Variants in ATP8A2 observed in about 807,000 individuals in gnomAD.
The protein encoded by ATP8A2 is phospholipid-transporting ATPase IB.
In ATP8A2, 100 loss-of-function variants were observed where a neutral mutation model predicts 165.6. The observed-to-expected ratio is 0.60, with a 90% CI of 0.51 to 0.71. ATP8A2 has a LOEUF of 0.71. Among genes scored for constraint, ATP8A2 ranks in the 30% least tolerant of loss-of-function variants. ATP8A2 has a pLI of 0.00. For synonymous variants in ATP8A2, 543 were observed against 548.8 expected, an observed-to-expected ratio of 0.99 and a Z score of 0.15; for missense variants, 1,227 against 1,479.5, an observed-to-expected ratio of 0.83 and a Z score of 2.80.
rs1180057851 is a variant in ATP8A2 at position 26,021,313 on chromosome 13, A to G, written c.*1328A>G. ...TGAGACCCAGACAATTGTCATGATC[A>G]GCCCAGTGTGTATGAGAGCTTAAAC... is the stretch of plus-strand genomic sequence containing the variant. On this transcript the variant is annotated 3_prime_UTR_variant, in exon 37 of 37. Transcript: ENST00000381655. The G allele has an allele frequency of 1.3e-5, 2 of 152,272 alleles. No individual in the cohort carries two copies. The highest frequency in any genetic ancestry group is 4.8e-5 in the African/African-American group (2 of 41,464). 9.4% of individuals were successfully genotyped at this position (152,272 alleles called of 1,614,324 possible). A position where few individuals can be genotyped will look rare whatever the true frequency, so the allele number is the denominator to read the frequency against.
At chr13:25,908,430 A>T (rs1029256999) in intron 33 of ATP8A2, among the ~76,000 whole-genome samples, 4 of 152,212 alleles carry the variant, frequency 2.6e-5, no homozygotes, top group Non-Finnish European at 5.9e-5. Context: ...CATCTTTGCA[A>T]CGTCTTGTCT....
At chr13:25,636,576 A>C (rs2041372827) in intron 24 of ATP8A2, among the ~76,000 whole-genome samples, 1 of 152,196 alleles carries the variant, frequency 6.6e-6, no homozygotes, top group South Asian at 2.1e-4. Flanking sequence ...ATCAATGGAC[A>C]CAAAACAGAT....
At chr13:25,592,566 T>G (rs1171643820) in intron 24 of ATP8A2, among the ~76,000 whole-genome samples, 1 of 152,192 alleles carries the variant, frequency 6.6e-6, no homozygotes, top group Non-Finnish European at 1.5e-5. Flanking sequence ...CCTAGAACCC[T>G]TGGATGTGTG....
intron 24 of ATP8A2, among the ~76,000 whole-genome samples, chr13:25,680,338 C>G (rs2042459139): frequency 6.6e-6 from 1 of 152,126 alleles, no homozygotes; most frequent in Non-Finnish European, 1.5e-5. Flanking sequence ...AAGTTAGCTG[C>G]AGCTGTGTAC....
At chr13:25,891,256 G>A (rs148125820) in intron 33 of ATP8A2, among the ~76,000 whole-genome samples, 10 of 152,310 alleles carry the variant, frequency 6.6e-5, no homozygotes, top group East Asian at 1.9e-4. Context: ...GAAAACGATC[G>A]TGTTGAAAGT....
At chr13:25,606,935 G>T (rs1235615251) in intron 24 of ATP8A2, among the ~76,000 whole-genome samples, 1 of 151,870 alleles carries the variant, frequency 6.6e-6, no homozygotes, top group African/African-American at 2.4e-5. Flanking sequence ...CCGACCCCCA[G>T]GGCACGAAAC....
At chr13:25,806,528 C>T (rs1040717201) in intron 27 of ATP8A2, among the ~76,000 whole-genome samples, 4 of 151,978 alleles carry the variant, frequency 2.6e-5, no homozygotes, top group Non-Finnish European at 5.9e-5. Flanking sequence ...TTCTGTGGCA[C>T]GGCCTTCAAC....
chr13:25,704,440 A>G (rs1382452870), intron 25 of ATP8A2, among the ~76,000 whole-genome samples: 1 of 151,798 alleles, frequency 6.6e-6, no homozygotes, highest in East Asian at 1.9e-4. Flanking sequence ...CCTGGGTTCA[A>G]GCGATCTTCC....
Position 25,530,056 on chromosome 13 carries a change from A to G in ATP8A2, c.279A>G (p.Arg93=). 1 of 1,612,556 alleles carries G rather than the reference A, an allele frequency of 6.2e-7. No individual in the cohort carries two copies. Among genetic ancestry groups the G allele is most frequent in the Admixed American group, 1.7e-5 (1 of 59,960 alleles). The change falls in exon 3 of 37, where the codon AGA becomes AGG. Residue 93 remains arginine, a synonymous_variant. Transcript: ENST00000381655. ...CTCGATTCTTGTATGAGCAGATTAG[A>G]AGAGCTGCTAATGCCTTCTTTCTCT... ...FLPRFLYEQI[R]RAANAFFLFI...
chr13:25,825,610 A>G (rs980872866), intron 27 of ATP8A2, among the ~76,000 whole-genome samples: 19 of 152,166 alleles, frequency 1.2e-4, no homozygotes, highest in African/African-American at 4.3e-4. Context: ...GTCTTGGGAA[A>G]ATTAACTTAA....
At chr13:25,450,643 T>C (rs188271100) in intron 1 of ATP8A2, among the ~76,000 whole-genome samples, 1 of 152,120 alleles carries the variant, frequency 6.6e-6, no homozygotes, top group Non-Finnish European at 1.5e-5. Context: ...GCCATTCTCC[T>C]GCTTCAGCCT....
chr13:25,759,555 T>C (rs2044337224), intron 25 of ATP8A2, among the ~76,000 whole-genome samples: 1 of 152,152 alleles, frequency 6.6e-6, no homozygotes, highest in African/African-American at 2.4e-5. Context: ...CAGACGCTCC[T>C]GAGAGGGTCT....
intron 24 of ATP8A2, among the ~76,000 whole-genome samples, chr13:25,625,404 G>T (rs983377705): frequency 6.6e-6 from 1 of 152,192 alleles, no homozygotes; most frequent in African/African-American, 2.4e-5. Context: ...TGAAGTAATT[G>T]TCTGAAATTA....
chr13:25,863,052 A>G (rs1309987435), intron 33 of ATP8A2, among the ~76,000 whole-genome samples: 1 of 152,110 alleles, frequency 6.6e-6, no homozygotes, highest in Admixed American at 6.5e-5. Context: ...GAGAGGAATG[A>G]GCTGACAGTC....
intron 35 of ATP8A2, among the ~76,000 whole-genome samples, chr13:25,993,834 C>T (rs375972306): frequency 6.6e-4 from 100 of 152,000 alleles, no homozygotes; most frequent in African/African-American, 2.2e-3. Context: ...TTTACCTTTC[C>T]GTATATACTT....
chr13:25,865,773 A>G (rs1952491554), intron 33 of ATP8A2, among the ~76,000 whole-genome samples: 1 of 152,168 alleles, frequency 6.6e-6, no homozygotes, highest in Admixed American at 6.5e-5. Flanking sequence ...CCTCCTGAAA[A>G]TACGCCACAT....
intron 33 of ATP8A2, among the ~76,000 whole-genome samples, chr13:25,908,432 G>A (rs562139283): frequency 1.2e-4 from 18 of 152,300 alleles, no homozygotes; most frequent in Non-Finnish European, 2.4e-4. Flanking sequence ...TCTTTGCAAC[G>A]TCTTGTCTTA....
chr13:25,623,133 C>T (rs565381727), intron 24 of ATP8A2, among the ~76,000 whole-genome samples: 1 of 152,324 alleles, frequency 6.6e-6, no homozygotes, highest in Non-Finnish European at 1.5e-5. Context: ...CCTGTAATCT[C>T]AGCACTTTGG....
In ATP8A2 at chr13:26,022,323, C is replaced by A. The variant is rs1335544193; in HGVS notation, c.*2338C>A. On this transcript the variant is annotated 3_prime_UTR_variant, in exon 37 of 37. Coordinates refer to ENST00000381655, the MANE Select transcript of ATP8A2 (RefSeq NM_016529.6). ...GAAAGAGTGGATTAGAAATTGAATT[C>A]TTTGTCAAACAGTTAGCTCTGTCTT... is the stretch of plus-strand genomic sequence containing the variant. 1 of 152,082 alleles carries A rather than the reference C, an allele frequency of 6.6e-6. No individual in the cohort carries two copies. Among genetic ancestry groups the A allele is most frequent in the Non-Finnish European group, 1.5e-5 (1 of 68,008 alleles). The allele number at this position is 152,082 out of a possible 1,614,324, so 9.4% of individuals were successfully genotyped here.
Sources: gnomAD v4.1 joint callset for allele counts (sites outside exome capture counted in the v4.1 genomes callset) on GRCh38, gnomAD v4.1.1 for gene constraint, MANE v1.5 for transcripts, NCBI Gene and HGNC (gene_info 2026-07-23, HGNC 2026-07-21) for gene names.